The following ASTN2 variants were observed in gnomAD, a reference collection of about 807,000 sequenced individuals.
ASTN2 encodes the protein astrotactin 2, also known as astrotactin-2.
A neutral mutation model predicts 139.8 loss-of-function variants in ASTN2; 54 were observed. That is an observed-to-expected ratio of 0.39 (90% CI 0.31 to 0.48). The LOEUF (loss-of-function observed/expected upper bound fraction) is 0.48. ASTN2 is among the 20% of genes least tolerant of loss of function. The pLI is 0.95. For missense variants in ASTN2, 1,565 were observed against 1,725.1 expected (o/e 0.91, Z 1.64); for synonymous variants, 756 against 719.5 (o/e 1.05, Z -0.81).
At chr9:116,637,719 A>T (rs1230618938) in intron 17 of ASTN2, among the ~76,000 whole-genome samples, 2 of 152,202 alleles carry the variant, frequency 1.3e-5, no homozygotes, top group Admixed American at 1.3e-4. Flanking sequence ...CTAGCAGATT[A>T]CTTGTGCCCA....
At chr9:116,811,064 G>A (rs747031470) in intron 12 of ASTN2, among the ~76,000 whole-genome samples, 12 of 152,026 alleles carry the variant, frequency 7.9e-5, no homozygotes, top group South Asian at 2.1e-4. Context: ...TAATGTGTTC[G>A]TGTTCTTTCT....
intron 1 of ASTN2, among the ~76,000 whole-genome samples, chr9:117,313,183 C>T (rs1828031974): frequency 6.6e-6 from 1 of 152,216 alleles, no homozygotes; most frequent in African/African-American, 2.4e-5. Flanking sequence ...GCACTAGAGT[C>T]CCCTGTGCAG....
chr9:116,948,644 G>A (rs1835464217), intron 10 of ASTN2, among the ~76,000 whole-genome samples: 1 of 151,640 alleles, frequency 6.6e-6, no homozygotes, highest in Admixed American at 6.6e-5. Flanking sequence ...TTGGGGTAAG[G>A]AGGGTTGCTG....
At chr9:117,364,332 G>T (rs993168685) in intron 1 of ASTN2, among the ~76,000 whole-genome samples, 3 of 152,254 alleles carry the variant, frequency 2.0e-5, no homozygotes, top group Non-Finnish European at 2.9e-5. Context: ...ATCATGAAGG[G>T]CTTGTTTTTC....
chr9:116,912,778 G>A (rs1038928969), intron 10 of ASTN2, among the ~76,000 whole-genome samples: 4 of 152,126 alleles, frequency 2.6e-5, no homozygotes, highest in South Asian at 2.1e-4. Flanking sequence ...GCTGGGGCTC[G>A]TGAGGTGGGT....
chr9:116,625,888 A>G (rs971768114), intron 17 of ASTN2, among the ~76,000 whole-genome samples: 5 of 151,794 alleles, frequency 3.3e-5, no homozygotes, highest in African/African-American at 1.2e-4. Context: ...CTCTCATTCA[A>G]TTTTTACAAA....
intron 16 of ASTN2, among the ~76,000 whole-genome samples, chr9:116,662,825 A>C (rs543136315): frequency 1.3e-5 from 2 of 152,278 alleles, no homozygotes; most frequent in African/African-American, 4.8e-5. Flanking sequence ...AATCCTCACA[A>C]CAGTGCCTTG....
At chr9:116,452,420 CT>C (rs1848202402) in intron 20 of ASTN2, among the ~76,000 whole-genome samples, 1 of 152,172 alleles carries the variant, frequency 6.6e-6, no homozygotes, top group African/African-American at 2.4e-5. Flanking sequence ...TGTTTGCCCT[CT>C]CTGCACCTCA....
chr9:116,672,966 T>G (rs890314357), intron 16 of ASTN2, among the ~76,000 whole-genome samples: 1 of 152,210 alleles, frequency 6.6e-6, no homozygotes, highest in Non-Finnish European at 1.5e-5. Context: ...TACAACCAAT[T>G]GAGACAAGAA....
chr9:117,153,342 G>A (rs943044986), intron 3 of ASTN2, among the ~76,000 whole-genome samples: 2 of 152,078 alleles, frequency 1.3e-5, no homozygotes, highest in Non-Finnish European at 2.9e-5. Flanking sequence ...TGTAAATGAT[G>A]AGCAATGCCT....
chr9:116,549,782 C>A (rs1417342831), intron 19 of ASTN2, among the ~76,000 whole-genome samples: 1 of 152,180 alleles, frequency 6.6e-6, no homozygotes, highest in Non-Finnish European at 1.5e-5. Context: ...CCCTTCCCCA[C>A]AGATACCCTG....
At chr9:116,605,587 C>T (rs771206692) in intron 19 of ASTN2, among the ~76,000 whole-genome samples, 5 of 151,932 alleles carry the variant, frequency 3.3e-5, no homozygotes, top group Admixed American at 6.6e-5. Flanking sequence ...CTGAGGGTGG[C>T]GGTTTCAATG....
At chr9:116,849,357 C>T (rs1404141397) in intron 11 of ASTN2, among the ~76,000 whole-genome samples, 1 of 152,130 alleles carries the variant, frequency 6.6e-6, no homozygotes, top group Non-Finnish European at 1.5e-5. Context: ...CTTGGCCTTT[C>T]CTGTGACCAG....
chr9:116,796,743 T>C (rs1185216677), intron 13 of ASTN2, among the ~76,000 whole-genome samples: 2 of 152,202 alleles, frequency 1.3e-5, no homozygotes, highest in African/African-American at 4.8e-5. Flanking sequence ...TGGAGATCTA[T>C]TACATAGTAT....
chr9:116,657,076 G>T (rs925370553), intron 16 of ASTN2, among the ~76,000 whole-genome samples: 1 of 152,142 alleles, frequency 6.6e-6, no homozygotes, highest in African/African-American at 2.4e-5. Context: ...TTTCTTAGGC[G>T]GAGTTACTGT....
intron 10 of ASTN2, among the ~76,000 whole-genome samples, chr9:116,919,639 C>G (rs1397888658): frequency 7.9e-6 from 1 of 126,062 alleles, no homozygotes; most frequent in Non-Finnish European, 1.6e-5. Flanking sequence ...ACAAAAACAT[C>G]ATTTTTTTTT....
chr9:117,351,840 G>T (rs1201157248), intron 1 of ASTN2, among the ~76,000 whole-genome samples: 2 of 152,096 alleles, frequency 1.3e-5, no homozygotes, highest in African/African-American at 4.8e-5. Context: ...GCCCCAAAGA[G>T]AAGGCCAAGA....
chr9:116,585,100 G>C (rs1292708218), intron 19 of ASTN2: 1 of 152,088 alleles, frequency 6.6e-6, no homozygotes, highest in Non-Finnish European at 1.5e-5. Context: ...CACTGTGCTG[G>C]GCATAAGACT....
chr9:116,780,851 T>TG (rs1830200631), intron 13 of ASTN2, among the ~76,000 whole-genome samples: 1 of 151,702 alleles, frequency 6.6e-6, no homozygotes, highest in South Asian at 2.1e-4. Context: ...TTCTTTTTTT[T>TG]TTTTTGAGAT....
Sources: gnomAD v4.1 joint callset for allele counts (sites outside exome capture counted in the v4.1 genomes callset) on GRCh38, gnomAD v4.1.1 for gene constraint, MANE v1.5 for transcripts, NCBI Gene and HGNC (gene_info 2026-07-23, HGNC 2026-07-21) for gene names.